Variants in ACACB observed in about 807,000 individuals in gnomAD.
The protein encoded by ACACB is acetyl-CoA carboxylase beta.
In ACACB, 209 loss-of-function variants were observed where a neutral mutation model predicts 278.8. The ratio of observed to expected loss-of-function variants is 0.75; its 90% CI spans 0.67 to 0.84. The LOEUF (loss-of-function observed/expected upper bound fraction) is 0.84, where lower values mean the gene tolerates loss of function less well. ACACB is among the 40% of genes least tolerant of loss of function. ACACB has a pLI of 0.00. For missense variants in ACACB, 2,850 were observed against 3,269.0 expected (o/e 0.87, Z 3.13); for synonymous variants, 1,174 against 1,285.6 (o/e 0.91, Z 1.86).
intron 16 of ACACB, 67 bp downstream of exon 16, chr12:109,193,796 A>C: frequency 7.1e-7 from 1 of 1,398,878 alleles, no homozygotes; most frequent in Non-Finnish European, 1.0e-6. Flanking sequence ...TCTTTCTTCC[A>C]TGAACCATCC....
intron 2 of ACACB, among the ~76,000 whole-genome samples, chr12:109,160,026 G>C (rs1391374094): frequency 1.4e-5 from 2 of 147,812 alleles, no homozygotes; most frequent in Admixed American, 6.8e-5. Context: ...GGAGGCAGAG[G>C]TTGCAGTGAG....
At chr12:109,121,282 G>A (rs2042542756) in intron 1 of ACACB, among the ~76,000 whole-genome samples, 2 of 152,126 alleles carry the variant, frequency 1.3e-5, no homozygotes, top group Admixed American at 1.3e-4. Context: ...TTCCTTGAGG[G>A]ACTACTATAT....
upstream of ACACB, among the ~76,000 whole-genome samples, chr12:109,115,187 C>G (rs542310313): frequency 6.6e-6 from 1 of 152,280 alleles, no homozygotes; most frequent in South Asian, 2.1e-4. Context: ...TAAATCATTT[C>G]ATTTTCTCAC....
At chr12:109,248,618 G>A (rs1466780752) in intron 40 of ACACB, among the ~76,000 whole-genome samples, 1 of 152,218 alleles carries the variant, frequency 6.6e-6, no homozygotes, top group East Asian at 1.9e-4. Flanking sequence ...GACTCAGCAA[G>A]GCAGCTTACT....
chr12:109,197,030 T>C lies in ACACB; in HGVS notation c.2504T>C (p.Met835Thr). 3.8e-6 allele frequency: 6 copies of C among 1,581,844 alleles called. No individual in the cohort carries two copies. The highest frequency in any genetic ancestry group is 5.1e-6 in the Non-Finnish European group (6 of 1,167,120). ...ILKVARQSLT[M>T]FVLIMNGCHI... is the part of the protein sequence containing the mutation. ...CAGGTGGCCCGGCAGTCTCTGACCATGTTCGTTCTCATCATGAATGGCTGC... is the reference window on the plus strand; with the variant it reads ...CAGGTGGCCCGGCAGTCTCTGACCACGTTCGTTCTCATCATGAATGGCTGC... Residue 835 changes from methionine (M) to threonine (T), a missense_variant, in exon 17 of 53, where the codon ATG (methionine) becomes ACG (threonine). Physicochemically the swap from Met to Thr is moderately conservative, Grantham distance 81. This residue lies in a region of ACACB where 2,265 missense variants were observed against 2,561.3 expected (regional missense o/e 0.88). Coordinates refer to ENST00000338432, the MANE Select transcript of ACACB (RefSeq NM_001093.4).
At chr12:109,123,739 G>A (rs1210633248) in intron 1 of ACACB, among the ~76,000 whole-genome samples, 2 of 41,872 alleles carry the variant, frequency 4.8e-5, no homozygotes, top group African/African-American at 1.0e-4. Flanking sequence ...CCAGGCTGGA[G>A]TGCAGTGGCA....
chr12:109,232,851 G>A (rs2046514109), intron 29 of ACACB, 45 bp downstream of exon 29: 2 of 1,608,750 alleles, frequency 1.2e-6, no homozygotes, highest in South Asian at 1.1e-5. Context: ...CATGGGGGCT[G>A]GGCAGACTTC....
chr12:109,195,474 C>A lies in ACACB; in HGVS notation c.2482-1534C>A, dbSNP rs77465140. On this transcript the variant is annotated intron_variant, in intron 16 of 52. Coordinates refer to ENST00000338432, the MANE Select transcript of ACACB (RefSeq NM_001093.4). ...TTGGCTACCTTTGGGGACCTAGCTG[C>A]CCCCAACTTGATTTTAAATGTCACA... Among the ~76,000 whole-genome samples, 3 of 152,082 alleles carry A rather than the reference C, an allele frequency of 2.0e-5. No homozygotes were observed. In the South Asian group the frequency reaches 6.2e-4, roughly 32 times the overall value.
intron 49 of ACACB, chr12:109,262,950 T>TTTTTTATATATA (rs1346750205): frequency 3.2e-5 from 2 of 62,470 alleles, no homozygotes; most frequent in Non-Finnish European, 7.8e-5. Context: ...CTTTTTAACA[T>TTTTTTATATATA]TATATATATA....
chr12:109,140,130 G>A, intron 2 of ACACB, 72 bp downstream of exon 2: 1 of 1,458,432 alleles, frequency 6.9e-7, no homozygotes, highest in South Asian at 1.5e-5. Context: ...CCCAACCTGT[G>A]CCCACCTTGA....
rs34863094 is a variant in ACACB, at chr12:109,152,640, C to CTTT, written c.653+12605_653+12607dup. Among the ~76,000 whole-genome samples, 647 of 74,814 alleles carry CTTT rather than the reference C, an allele frequency of 8.6e-3. 8 individuals carry two copies. Among genetic ancestry groups the CTTT allele is most frequent in the Non-Finnish European group, 0.011 (426 of 39,556 alleles). The allele number at this position is 74,814 out of a possible 152,430, so 49.1% of individuals were successfully genotyped here. A position where few individuals can be genotyped will look rare whatever the true frequency, so the allele number is the denominator to read the frequency against. On this transcript the variant is annotated intron_variant, in intron 2 of 52. Coordinates refer to ENST00000338432, the MANE Select transcript of ACACB (RefSeq NM_001093.4). ...GCCTGTGCCTTTTCTTTCTTTCTTT[C>CTTT]TTTTTTTTTTTTTTTTTTTTTTTTT...
At chr12:109,204,013 ATT>A (rs1300676965) in intron 19 of ACACB, among the ~76,000 whole-genome samples, 1 of 152,088 alleles carries the variant, frequency 6.6e-6, no homozygotes, top group Non-Finnish European at 1.5e-5. Context: ...TATTAATTGT[ATT>A]TGTTTTCTTT....
chr12:109,163,715 T>A (rs1381147524), intron 2 of ACACB, among the ~76,000 whole-genome samples: 1 of 152,166 alleles, frequency 6.6e-6, no homozygotes, highest in Non-Finnish European at 1.5e-5. Context: ...AGTGGCACAA[T>A]CTTGGCTCAC....
At chr12:109,136,077 C>T (rs1168792568) in intron 1 of ACACB, among the ~76,000 whole-genome samples, 1 of 152,106 alleles carries the variant, frequency 6.6e-6, no homozygotes, top group Non-Finnish European at 1.5e-5. Flanking sequence ...TCCCAAAGTG[C>T]TGGGATTACA....
chr12:109,112,176 A>G (rs1040190656), upstream of ACACB, among the ~76,000 whole-genome samples: 1 of 149,388 alleles, frequency 6.7e-6, no homozygotes, highest in Admixed American at 6.7e-5. Context: ...ATATATATAC[A>G]TACATTTCTA....
chr12:109,196,466 T>C (rs1276824754), intron 16 of ACACB, among the ~76,000 whole-genome samples: 1 of 152,156 alleles, frequency 6.6e-6, no homozygotes, highest in African/African-American at 2.4e-5. Context: ...TGTCCTTAGA[T>C]GTCAGAAATG....
intron 9 of ACACB, among the ~76,000 whole-genome samples, chr12:109,178,849 T>A (rs2136216879): frequency 6.6e-6 from 1 of 152,320 alleles, no homozygotes; most frequent in Middle Eastern, 3.4e-3. Flanking sequence ...CAGTTGTTCA[T>A]TGTTCTTCCC....
chr12:109,137,269 G>T (rs1453707881), intron 1 of ACACB, among the ~76,000 whole-genome samples: 1 of 152,178 alleles, frequency 6.6e-6, no homozygotes, highest in African/African-American at 2.4e-5. Context: ...AAATTCTGCT[G>T]CTGAAAGTGT....
intron 44 of ACACB, 46 bp from the exon 45 acceptor site, chr12:109,256,094 C>A: frequency 6.4e-7 from 1 of 1,568,588 alleles, no homozygotes; most frequent in South Asian, 1.1e-5. Flanking sequence ...TGGGGGCCCC[C>A]AGCCACCTGG....
Sources: allele counts gnomAD v4.1 joint callset (sites outside exome capture counted in the v4.1 genomes callset), GRCh38; gene constraint gnomAD v4.1.1; regional missense constraint gnomAD v4.1.1; transcripts MANE v1.5; gene names NCBI Gene and HGNC (gene_info 2026-07-23, HGNC 2026-07-21).